The following MANBA variants were observed in gnomAD, a reference collection of about 807,000 sequenced individuals.
MANBA encodes beta-mannosidase.
In MANBA, 83 loss-of-function variants were observed where a neutral mutation model predicts 111.1. The ratio of observed to expected loss-of-function variants is 0.75; its 90% CI spans 0.63 to 0.90. MANBA has a LOEUF of 0.90. Ranked by LOEUF, MANBA falls within the 40% of genes least tolerant of loss-of-function variation. The pLI, the probability that MANBA is intolerant of heterozygous loss-of-function variation, is 0.00. For synonymous variants in MANBA, 370 were observed against 378.7 expected (o/e 0.98, Z 0.27); for missense variants, 1,036 against 1,069.0 (o/e 0.97, Z 0.43).
intron 7 of MANBA, among the ~76,000 whole-genome samples, chr4:102,677,337 C>T (rs553103028): frequency 3.3e-5 from 5 of 152,172 alleles, no homozygotes; most frequent in Admixed American, 6.5e-5. Context: ...TACTACCTCA[C>T]GGTAGTAGAT....
chr4:102,720,686 A>C (rs953623428), intron 4 of MANBA, among the ~76,000 whole-genome samples: 2 of 152,192 alleles, frequency 1.3e-5, no homozygotes, highest in South Asian at 4.1e-4. Flanking sequence ...CAAAGGCAAA[A>C]GAATCAAAAG....
chr4:102,748,769 C>T lies in MANBA; in HGVS notation c.177+11949G>A, dbSNP rs143362309. ...CTCTAATAAAAATACAAAAATTAGC[C>T]AGGTGTGGTGGCAGGCGCCTGTAAT... On this transcript the variant is annotated intron_variant, in intron 1 of 16. Transcript: ENST00000647097. Among the ~76,000 whole-genome samples, 684 of 152,136 alleles carry T rather than the reference C, an allele frequency of 4.5e-3. 4 individuals carry two copies. Among genetic ancestry groups the T allele is most frequent in the Non-Finnish European group, 7.4e-3 (504 of 67,982 alleles).
At chr4:102,742,204 G>A (rs1723427906) in intron 1 of MANBA, among the ~76,000 whole-genome samples, 1 of 152,138 alleles carries the variant, frequency 6.6e-6, no homozygotes, top group African/African-American at 2.4e-5. Flanking sequence ...TGTCCAGGTG[G>A]CAATCTTAAC....
intron 5 of MANBA, among the ~76,000 whole-genome samples, chr4:102,710,216 A>T (rs1288122287): frequency 2.6e-5 from 4 of 152,160 alleles, no homozygotes; most frequent in Non-Finnish European, 5.9e-5. Flanking sequence ...GAGGAAGTAA[A>T]ATTATTCCTC....
At chr4:102,734,281 A>G (rs1723130158) in intron 1 of MANBA, 4 of 1,397,260 alleles carry the variant, frequency 2.9e-6, no homozygotes, top group Middle Eastern at 5.1e-4. Flanking sequence ...CTTCCGGGGG[A>G]GAAGGGCAGC....
At chr4:102,759,791 G>A (rs1724166284) in intron 1 of MANBA, among the ~76,000 whole-genome samples, 1 of 152,078 alleles carries the variant, frequency 6.6e-6, no homozygotes, top group African/African-American at 2.4e-5. Flanking sequence ...TTTCCATTTA[G>A]TTGCTGTCAC....
At chr4:102,714,638 A>G (rs1219495868) in intron 4 of MANBA, 77 bp from the exon 5 acceptor site, 1 of 1,414,028 alleles carries the variant, frequency 7.1e-7, no homozygotes, top group Non-Finnish European at 9.9e-7. Context: ...ATTTTCTTTA[A>G]AAATGTTACA....
intron 11 of MANBA, 152 bp downstream of exon 11, chr4:102,664,533 G>A (rs1228977839): frequency 3.2e-6 from 2 of 624,466 alleles, no homozygotes; most frequent in Non-Finnish European, 5.6e-6. Flanking sequence ...TGTATTTTTA[G>A]TAGAGACGGG....
Position 102,723,051 on chromosome 4 carries a change from A to T in MANBA, c.379-10T>A, listed in dbSNP as rs564143836. The T allele has an allele frequency of 5.6e-6, 9 of 1,612,158 alleles. No individual in the cohort carries two copies. The South Asian group carries it at 9.9e-5, about 18-fold the overall frequency. On this transcript the variant is annotated splice_polypyrimidine_tract_variant and intron_variant, in intron 3 of 16. Transcript: ENST00000647097. Reference sequence around the variant, plus strand: ...TGGTAATATCAAAGCTCTAAGTTAAAGGGAACAATCAGACAAACCCATGAT... The same window carrying T: ...TGGTAATATCAAAGCTCTAAGTTAATGGGAACAATCAGACAAACCCATGAT...
chr4:102,759,045 G>A (rs920623250), intron 1 of MANBA, among the ~76,000 whole-genome samples: 12 of 151,766 alleles, frequency 7.9e-5, no homozygotes, highest in African/African-American at 2.2e-4. Context: ...GTAACCAAAC[G>A]TTGTTTCTTA....
intron 12 of MANBA, among the ~76,000 whole-genome samples, chr4:102,652,420 A>G (rs1730376500): frequency 6.6e-6 from 1 of 152,112 alleles, no homozygotes; most frequent in Non-Finnish European, 1.5e-5. Flanking sequence ...ATAATCAGTA[A>G]ACCTGATCTT....
chr4:102,743,176 C>G (rs1292992335), intron 1 of MANBA, among the ~76,000 whole-genome samples: 9 of 152,220 alleles, frequency 5.9e-5, no homozygotes, highest in African/African-American at 2.2e-4. Context: ...TAGTTTTTGA[C>G]CATTCAGAGA....
In MANBA at chr4:102,749,867, C is replaced by T. The variant is rs1385522837; in HGVS notation, c.177+10851G>A. On this transcript the variant is annotated intron_variant, in intron 1 of 16. Coordinates refer to ENST00000647097, the MANE Select transcript of MANBA (RefSeq NM_005908.4). Reference sequence around the variant, plus strand: ...CATGATAAGGACCAGCCAACGCTTACCTAAAAATTTAGCTCTCAGGTGGTC... The same window carrying T: ...CATGATAAGGACCAGCCAACGCTTATCTAAAAATTTAGCTCTCAGGTGGTC... 2.6e-5 allele frequency among the ~76,000 whole-genome samples: 4 copies of T among 152,204 alleles called. No individual in the cohort carries two copies. The East Asian group carries it at 7.7e-4, about 29-fold the overall frequency.
chr4:102,718,092 ACAT>A (rs746395687), intron 4 of MANBA, among the ~76,000 whole-genome samples: 1 of 152,270 alleles, frequency 6.6e-6, no homozygotes, highest in Non-Finnish European at 1.5e-5. Flanking sequence ...GGTACTATTC[ACAT>A]CATCAAGAGG....
chr4:102,704,385 G>C (rs1026021951), intron 5 of MANBA, among the ~76,000 whole-genome samples: 1 of 152,062 alleles, frequency 6.6e-6, no homozygotes, highest in African/African-American at 2.4e-5. Flanking sequence ...GCTCAGGCTG[G>C]TTCAAACTTC....
chr4:102,729,099 C>A (rs114113374), intron 1 of MANBA: 6 of 745,946 alleles, frequency 8.0e-6, no homozygotes, highest in Non-Finnish European at 7.4e-6. Context: ...TGCTGCAGGG[C>A]GGCCTCCAGC....
At chr4:102,729,122 G>A (rs990674511) in intron 1 of MANBA, 3 of 732,338 alleles carry the variant, frequency 4.1e-6, no homozygotes, top group African/African-American at 1.7e-5. Context: ...GGACAGCTTG[G>A]CGTTGGCATC....
chr4:102,712,667 C>A (rs1722130620), intron 5 of MANBA, among the ~76,000 whole-genome samples: 1 of 151,884 alleles, frequency 6.6e-6, no homozygotes, highest in Non-Finnish European at 1.5e-5. Flanking sequence ...TGCAGGTGAA[C>A]GCCACCAGGC....
At chr4:102,701,187 C>CT (rs1733020236) in intron 5 of MANBA, among the ~76,000 whole-genome samples, 1 of 151,586 alleles carries the variant, frequency 6.6e-6, no homozygotes, top group African/African-American at 2.4e-5. Context: ...GCAACCCCTG[C>CT]CTTTTTTTGT....
Sources: gnomAD v4.1 joint callset for allele counts (sites outside exome capture counted in the v4.1 genomes callset) on GRCh38, gnomAD v4.1.1 for gene constraint, MANE v1.5 for transcripts, NCBI Gene and HGNC (gene_info 2026-07-23, HGNC 2026-07-21) for gene names.